Variants in EDA observed in about 807,000 individuals in gnomAD.
The protein encoded by EDA is ectodysplasin-A.
Under a neutral mutation model 23.6 loss-of-function variants are expected in EDA, and 2 were observed. That is an observed-to-expected ratio of 0.08 (90% CI 0.03 to 0.27). EDA has a LOEUF of 0.27. Ranked by LOEUF, EDA falls within the 10% of genes least tolerant of loss-of-function variation. The pLI is 1.00. For missense variants in EDA, 229 were observed against 324.2 expected, an observed-to-expected ratio of 0.71 and a Z score of 2.26; for synonymous variants, 131 against 132.0, an observed-to-expected ratio of 0.99 and a Z score of 0.05.
At chrX:69,755,281 G>T (rs1452631393) in intron 1 of EDA, among the ~76,000 whole-genome samples, 1 of 112,247 alleles carries the variant, frequency 8.9e-6, no homozygotes, top group Non-Finnish European at 1.9e-5. Flanking sequence ...CCTTCTAACA[G>T]TTATGACCCT....
chrX:69,691,831 A>G (rs749644592), intron 1 of EDA, among the ~76,000 whole-genome samples: 102 of 111,910 alleles, frequency 9.1e-4, no homozygotes, highest in Middle Eastern at 9.6e-3. Context: ...AACTTCTTTC[A>G]AATTGTGGTA....
At chrX:69,664,910 C>T (rs1465804657) in intron 1 of EDA, among the ~76,000 whole-genome samples, 1 of 111,807 alleles carries the variant, frequency 8.9e-6, no homozygotes, top group Non-Finnish European at 1.9e-5. Flanking sequence ...AATGGTCATA[C>T]CAATCTACAT....
At chrX:69,999,618 G>GAGAA (rs1556064624) in intron 2 of EDA, among the ~76,000 whole-genome samples, 1 of 34,432 alleles carries the variant, frequency 2.9e-5, no homozygotes, top group Non-Finnish European at 4.9e-5. Flanking sequence ...CTCTGTCTCA[G>GAGAA]AGAAAAAAAA....
chrX:69,786,851 A>G (rs1009001883), intron 1 of EDA, among the ~76,000 whole-genome samples: 9 of 109,032 alleles, frequency 8.3e-5, no homozygotes, highest in Non-Finnish European at 1.9e-5. Flanking sequence ...ATCCTTGTTG[A>G]CTTTCTGTCT....
chrX:69,983,896 A>G (rs1214337065), intron 2 of EDA, among the ~76,000 whole-genome samples: 1 of 109,093 alleles, frequency 9.2e-6, no homozygotes, highest in East Asian at 2.9e-4. Flanking sequence ...CAAATGTAAA[A>G]GAACAGAAAT....
intron 1 of EDA, among the ~76,000 whole-genome samples, chrX:69,881,427 T>C (rs929077866): frequency 9.0e-6 from 1 of 111,228 alleles, no homozygotes; most frequent in African/African-American, 3.3e-5. Flanking sequence ...TCATAGGAGA[T>C]TCTGTTGTCA....
intron 2 of EDA, among the ~76,000 whole-genome samples, chrX:69,981,570 G>T (rs2019408149): frequency 9.0e-6 from 1 of 111,259 alleles, no homozygotes; most frequent in Non-Finnish European, 1.9e-5. Flanking sequence ...AGGCATGCAA[G>T]AAGCAGGAAA....
intron 1 of EDA, among the ~76,000 whole-genome samples, chrX:69,782,744 T>G (rs1466991965): frequency 1.8e-5 from 2 of 111,929 alleles, no homozygotes; most frequent in African/African-American, 6.5e-5. Context: ...AAAAAGATCT[T>G]TGAAGCCAAC....
At chrX:69,870,498 A>G (rs1001614335) in intron 1 of EDA, among the ~76,000 whole-genome samples, 3 of 110,725 alleles carry the variant, frequency 2.7e-5, no homozygotes, top group African/African-American at 6.6e-5. Context: ...TTGCCTGGCA[A>G]CTGCCTCAGG....
At chrX:69,666,554 G>A (rs1313627464) in intron 1 of EDA, among the ~76,000 whole-genome samples, 5 of 112,710 alleles carry the variant, frequency 4.4e-5, no homozygotes, top group African/African-American at 1.6e-4. Flanking sequence ...AGATGATCAT[G>A]TGGTTTTTAT....
intron 1 of EDA, among the ~76,000 whole-genome samples, chrX:69,913,310 AT>A (rs2018294975): frequency 8.9e-6 from 1 of 112,347 alleles, no homozygotes; most frequent in African/African-American, 3.2e-5. Context: ...ACCTTCATCA[AT>A]TGTCTTGGCT....
At chrX:69,774,790 C>T (rs1013080606) in intron 1 of EDA, among the ~76,000 whole-genome samples, 3 of 111,442 alleles carry the variant, frequency 2.7e-5, no homozygotes, top group African/African-American at 9.8e-5. Flanking sequence ...GGGAGATCAA[C>T]GTAATTATCT....
At chrX:69,707,734 G>T (rs1361590892) in intron 1 of EDA, among the ~76,000 whole-genome samples, 1 of 111,013 alleles carries the variant, frequency 9.0e-6, no homozygotes, top group Non-Finnish European at 1.9e-5. Context: ...AGTTCCACAT[G>T]GAGGAGTTCT....
At chrX:69,892,102 A>G (rs761291618) in intron 1 of EDA, among the ~76,000 whole-genome samples, 13 of 111,884 alleles carry the variant, frequency 1.2e-4, no homozygotes, top group African/African-American at 4.2e-4. Flanking sequence ...AGGGGTACAT[A>G]TCACATTTTC....
chrX:69,809,008 T>C (rs1449989341), intron 1 of EDA, among the ~76,000 whole-genome samples: 5 of 111,810 alleles, frequency 4.5e-5, no homozygotes, highest in African/African-American at 1.6e-4. Context: ...GGGTCTTATT[T>C]CTTGTACGCC....
At chrX:69,707,569 G>A (rs1483512574) in intron 1 of EDA, among the ~76,000 whole-genome samples, 3 of 111,923 alleles carry the variant, frequency 2.7e-5, no homozygotes, top group Admixed American at 9.5e-5. Flanking sequence ...CTTGGTCCTC[G>A]TAGATGTTGT....
chrX:69,828,022 G>T, intron 1 of EDA, among the ~76,000 whole-genome samples: 2 of 110,818 alleles, frequency 1.8e-5, no homozygotes. Flanking sequence ...AGGGGTCAGG[G>T]GTCAGGGAGC....
At chrX:69,786,175 G>C (rs1348594400) in intron 1 of EDA, among the ~76,000 whole-genome samples, 4 of 110,044 alleles carry the variant, frequency 3.6e-5, no homozygotes, top group Non-Finnish European at 1.9e-5. Flanking sequence ...CTATTTTATT[G>C]TCTCTTTTTT....
At chrX:69,767,536 A>G (rs893599346) in intron 1 of EDA, among the ~76,000 whole-genome samples, 4 of 110,929 alleles carry the variant, frequency 3.6e-5, no homozygotes, top group African/African-American at 1.3e-4. Context: ...GCTGTCATGT[A>G]TATAAATAGT....
Sources: gnomAD v4.1 joint callset for allele counts (sites outside exome capture counted in the v4.1 genomes callset) on GRCh38, gnomAD v4.1.1 for gene constraint, MANE v1.5 for transcripts, NCBI Gene and HGNC (gene_info 2026-07-23, HGNC 2026-07-21) for gene names.